Variants in SLC35D4 observed in about 807,000 individuals in gnomAD.
SLC35D4 encodes UDP-N-acetylglucosamine transporter SLC35D4.
chr18:23,262,938 T>A, the SLC35D4 span, among the ~76,000 whole-genome samples: 1 of 152,168 alleles, frequency 6.6e-6, no homozygotes, highest in African/African-American at 2.4e-5. Flanking sequence ...ACGTGAACTG[T>A]GATAGGCAGA....
At chr18:23,275,068 T>TTG in the SLC35D4 span, among the ~76,000 whole-genome samples, 89 of 128,532 alleles carry the variant, frequency 6.9e-4, 1 homozygote, top group African/African-American at 1.2e-3. Context: ...GTAGGTGTGC[T>TTG]TGTGTGTGTG....
chr18:23,300,667 A>G, the SLC35D4 span, among the ~76,000 whole-genome samples: 4 of 152,240 alleles, frequency 2.6e-5, no homozygotes, highest in African/African-American at 9.6e-5. Context: ...AAAGGCTGAC[A>G]TGGGTCCAGG....
the SLC35D4 span, among the ~76,000 whole-genome samples, chr18:23,346,416 T>C: frequency 1.3e-5 from 2 of 152,222 alleles, no homozygotes; most frequent in Non-Finnish European, 2.9e-5. Flanking sequence ...CACCACACCC[T>C]GCCTTCAACT....
chr18:23,408,158 C>T, the SLC35D4 span, among the ~76,000 whole-genome samples: 1 of 150,192 alleles, frequency 6.7e-6, no homozygotes, highest in South Asian at 2.1e-4. Context: ...GACACACACA[C>T]ACACACACAC....
chr18:23,416,403 T>C, the SLC35D4 span, among the ~76,000 whole-genome samples: 1 of 152,232 alleles, frequency 6.6e-6, no homozygotes, highest in African/African-American at 2.4e-5. Context: ...TTTCCATTTT[T>C]AGAAGAGCCA....
chr18:23,311,361 G>A, the SLC35D4 span, among the ~76,000 whole-genome samples: 2 of 150,968 alleles, frequency 1.3e-5, no homozygotes, highest in Admixed American at 6.6e-5. Context: ...CCAAAGTGCT[G>A]GAATTATAGG....
the SLC35D4 span, among the ~76,000 whole-genome samples, chr18:23,384,012 G>T: frequency 9.7e-5 from 13 of 133,680 alleles, no homozygotes; most frequent in East Asian, 2.2e-3. Context: ...GGGGGGGGGG[G>T]GTGTGATGTT....
the SLC35D4 span, among the ~76,000 whole-genome samples, chr18:23,311,673 T>A: frequency 3.3e-5 from 5 of 152,354 alleles, no homozygotes; most frequent in East Asian, 5.8e-4. Flanking sequence ...TCAAGTCTTC[T>A]CTTTCTCATT....
At chr18:23,300,696 A>G in the SLC35D4 span, among the ~76,000 whole-genome samples, 1 of 152,256 alleles carries the variant, frequency 6.6e-6, no homozygotes, top group Non-Finnish European at 1.5e-5. Context: ...TAGCATTACA[A>G]CTATTTAAGT....
chr18:23,348,458 T>C, the SLC35D4 span, among the ~76,000 whole-genome samples: 1 of 152,258 alleles, frequency 6.6e-6, no homozygotes, highest in African/African-American at 2.4e-5. Context: ...ATTAGTATTG[T>C]TAAATAATCT....
At chr18:23,347,346 C>T in the SLC35D4 span, among the ~76,000 whole-genome samples, 19 of 151,980 alleles carry the variant, frequency 1.3e-4, no homozygotes, top group Non-Finnish European at 2.5e-4. Context: ...ATCCTTTTAG[C>T]TTCTATAGGA....
chr18:23,397,090 T>G, the SLC35D4 span, among the ~76,000 whole-genome samples: 1 of 152,040 alleles, frequency 6.6e-6, no homozygotes, highest in East Asian at 1.9e-4. Flanking sequence ...TCTTTGTGTG[T>G]GTGTGGGGCG....
the SLC35D4 span, chr18:23,253,819 C>A: frequency 1.9e-6 from 3 of 1,614,224 alleles, no homozygotes; most frequent in Non-Finnish European, 2.5e-6. Flanking sequence ...TTGAAAAGCT[C>A]GCCCTCAAGG....
the SLC35D4 span, among the ~76,000 whole-genome samples, chr18:23,432,857 G>A: frequency 1.4e-4 from 21 of 151,126 alleles, no homozygotes; most frequent in Admixed American, 1.1e-3. Context: ...TGTGCAAGCT[G>A]TGCTCCCAGC....
At chr18:23,258,925 TGA>T in the SLC35D4 span, 26 of 151,430 alleles carry the variant, frequency 1.7e-4, no homozygotes, top group African/African-American at 4.6e-4. Context: ...TAGATTGCAC[TGA>T]GTTTAGTCCT....
chr18:23,343,255 A>T, the SLC35D4 span, among the ~76,000 whole-genome samples: 1 of 151,092 alleles, frequency 6.6e-6, no homozygotes, highest in Admixed American at 6.6e-5. Flanking sequence ...TATATTTTTT[A>T]TTTTTATTTT....
the SLC35D4 span, among the ~76,000 whole-genome samples, chr18:23,343,800 G>A: frequency 6.6e-6 from 1 of 151,970 alleles, no homozygotes; most frequent in Non-Finnish European, 1.5e-5. Context: ...CCACTTATAA[G>A]TGAGAACATG....
chr18:23,348,647 C>T, the SLC35D4 span, among the ~76,000 whole-genome samples: 3 of 152,148 alleles, frequency 2.0e-5, no homozygotes, highest in African/African-American at 7.2e-5. Context: ...TTTAATATAG[C>T]CACTATACCC....
chr18:23,374,644 C>T, the SLC35D4 span, among the ~76,000 whole-genome samples: 2 of 152,024 alleles, frequency 1.3e-5, no homozygotes, highest in African/African-American at 4.8e-5. Flanking sequence ...CACCACCTCA[C>T]CAGGCTAATT....
Sources: gnomAD v4.1 joint callset for allele counts (sites outside exome capture counted in the v4.1 genomes callset) on GRCh38, gnomAD v4.1.1 for gene constraint, MANE v1.5 for transcripts, NCBI Gene and HGNC (gene_info 2026-07-23, HGNC 2026-07-21) for gene names.